Variants in CDKAL1 observed in about 807,000 individuals in gnomAD.
The protein encoded by CDKAL1 is threonylcarbamoyladenosine tRNA methylthiotransferase.
A neutral mutation model predicts 68.2 loss-of-function variants in CDKAL1; 32 were observed. That is an observed-to-expected ratio of 0.47 (90% CI 0.35 to 0.63). The LOEUF is 0.63. CDKAL1 is among the 30% of genes least tolerant of loss of function. The pLI is 0.00. For missense variants in CDKAL1, 606 were observed against 696.7 expected (o/e 0.87, Z 1.47); for synonymous variants, 234 against 244.3 (o/e 0.96, Z 0.39).
chr6:21,138,616 T>C (rs919560146), intron 13 of CDKAL1, among the ~76,000 whole-genome samples: 4 of 152,210 alleles, frequency 2.6e-5, no homozygotes, highest in African/African-American at 9.6e-5. Flanking sequence ...ACTCATAAAA[T>C]CTCTTGCCTA....
rs1192462433 is a variant in CDKAL1, at chr6:20,546,405, C to G, written c.55C>G (p.Gln19Glu). ...LLDDIEDIVS[Q>E]EDSKPQDRHF... ...GGATGACATCGAAGATATCGTGTCT[C>G]AGGAAGATTCAAAACCACAAGATAG... is the stretch of plus-strand genomic sequence containing the variant. The change falls in exon 3 of 16, where the codon CAG (glutamine) becomes GAG (glutamate). Residue 19 changes from glutamine (Q) to glutamate (E), a missense_variant. Physicochemically the swap from Gln to Glu is conservative, Grantham distance 29. Transcript: ENST00000274695. 5.0e-6 allele frequency: 8 copies of G among 1,613,940 alleles called. No homozygotes were observed. Among genetic ancestry groups the G allele is most frequent in the Admixed American group, 1.7e-5 (1 of 60,014 alleles).
intron 7 of CDKAL1, among the ~76,000 whole-genome samples, chr6:20,778,805 T>A (rs920308311): frequency 5.3e-5 from 8 of 152,162 alleles, no homozygotes; most frequent in South Asian, 2.1e-4. Context: ...CCTTTTTTTT[T>A]AAATTGAGAC....
chr6:21,149,073 A>G (rs1037761754), intron 13 of CDKAL1, among the ~76,000 whole-genome samples: 1 of 152,210 alleles, frequency 6.6e-6, no homozygotes, highest in Non-Finnish European at 1.5e-5. Context: ...TACCTCAAGA[A>G]GCTTACTGTC....
At chr6:20,698,650 G>T (rs186745539) in intron 5 of CDKAL1, among the ~76,000 whole-genome samples, 1 of 152,142 alleles carries the variant, frequency 6.6e-6, no homozygotes, top group African/African-American at 2.4e-5. Flanking sequence ...GAAGGCCACG[G>T]TGGTGAAGTG....
chr6:21,229,893 C>A (rs982570479), intron 15 of CDKAL1, among the ~76,000 whole-genome samples: 1 of 152,214 alleles, frequency 6.6e-6, no homozygotes, highest in Non-Finnish European at 1.5e-5. Context: ...AGCTAAGAAG[C>A]CGGTGAACAG....
At chr6:20,670,302 A>C (rs573980424) in intron 5 of CDKAL1, among the ~76,000 whole-genome samples, 61 of 152,304 alleles carry the variant, frequency 4.0e-4, no homozygotes, top group African/African-American at 1.4e-3. Context: ...CAATTAGATT[A>C]ATTTGTTACC....
rs879302363 is a variant in CDKAL1 at position 20,580,795 on chromosome 6, C to CT, written c.286+32102dup. Among the ~76,000 whole-genome samples the CT allele has an allele frequency of 4.1e-3, 589 of 144,300 alleles. 6 individuals are homozygous for CT. Among genetic ancestry groups the CT allele is most frequent in the African/African-American group, 0.013 (525 of 39,598 alleles). 94.7% of individuals were successfully genotyped at this position (144,300 alleles called of 152,430 possible). ...TTAGGTTGGTTTCATTGGCACTTTA[C>CT]TTTTTTTTTTTTAGATGGAGTTTCG... On this transcript the variant is annotated intron_variant, in intron 4 of 15. Coordinates refer to ENST00000274695, the MANE Select transcript of CDKAL1 (RefSeq NM_017774.3).
intron 6 of CDKAL1, among the ~76,000 whole-genome samples, chr6:20,747,426 T>C (rs1038618861): frequency 2.6e-5 from 4 of 152,304 alleles, no homozygotes; most frequent in Admixed American, 2.6e-4. Context: ...CCATAACGGC[T>C]GTACCAGTTT....
intron 9 of CDKAL1, among the ~76,000 whole-genome samples, chr6:20,867,089 G>C (rs140890310): frequency 1.6e-4 from 24 of 152,220 alleles, no homozygotes; most frequent in African/African-American, 5.5e-4. Flanking sequence ...ATTTCCTGAG[G>C]CTTCAATTTG....
At chr6:20,977,392 A>G (rs1765891946) in intron 10 of CDKAL1, among the ~76,000 whole-genome samples, 2 of 152,212 alleles carry the variant, frequency 1.3e-5, no homozygotes, top group Admixed American at 6.5e-5. Flanking sequence ...TAAGGAGGAC[A>G]TTGTTCTTAA....
At chr6:20,713,974 TA>T (rs562987504) in intron 5 of CDKAL1, among the ~76,000 whole-genome samples, 1 of 152,144 alleles carries the variant, frequency 6.6e-6, no homozygotes, top group Non-Finnish European at 1.5e-5. Flanking sequence ...ATTTTATCCT[TA>T]AAAAAAGAAA....
chr6:21,197,924 T>A, intron 13 of CDKAL1, 97 bp from the exon 14 acceptor site: 1 of 617,592 alleles, frequency 1.6e-6, no homozygotes, highest in East Asian at 2.8e-5. Context: ...AGACGCTACT[T>A]GGTCCAGACC....
At chr6:20,823,901 AAAT>A (rs1777391510) in intron 8 of CDKAL1, among the ~76,000 whole-genome samples, 2 of 152,164 alleles carry the variant, frequency 1.3e-5, no homozygotes, top group African/African-American at 4.8e-5. Context: ...AGTGATGTGA[AAAT>A]AATAATAAAA....
chr6:20,839,769 C>G (rs1778102460), intron 8 of CDKAL1, among the ~76,000 whole-genome samples: 1 of 152,096 alleles, frequency 6.6e-6, no homozygotes, highest in South Asian at 2.1e-4. Context: ...CTTCCATTTC[C>G]CTGCTTCATT....
chr6:20,926,548 A>T (rs1763197325), intron 9 of CDKAL1, among the ~76,000 whole-genome samples: 3 of 152,280 alleles, frequency 2.0e-5, no homozygotes, highest in African/African-American at 7.2e-5. Flanking sequence ...ATGCATATTC[A>T]TGAGAATGGA....
chr6:20,643,763 A>G (rs1013953629), intron 4 of CDKAL1, among the ~76,000 whole-genome samples: 2 of 152,236 alleles, frequency 1.3e-5, no homozygotes, highest in African/African-American at 2.4e-5. Flanking sequence ...TAACAATATT[A>G]ACATTTATAC....
At chr6:21,038,277 G>T (rs1036027673) in intron 11 of CDKAL1, among the ~76,000 whole-genome samples, 2 of 152,196 alleles carry the variant, frequency 1.3e-5, no homozygotes, top group Non-Finnish European at 2.9e-5. Flanking sequence ...TATTCTGTGT[G>T]TGGAGGCCAG....
intron 6 of CDKAL1, among the ~76,000 whole-genome samples, 196 bp from the exon 7 acceptor site, chr6:20,758,399 G>A (rs1276588649): frequency 1.3e-5 from 2 of 152,158 alleles, no homozygotes; most frequent in Non-Finnish European, 2.9e-5. Context: ...TGGAGGACAG[G>A]AGAGTGATAA....
At chr6:20,694,946 C>A (rs1771046832) in intron 5 of CDKAL1, among the ~76,000 whole-genome samples, 2 of 152,192 alleles carry the variant, frequency 1.3e-5, no homozygotes, top group Non-Finnish European at 2.9e-5. Context: ...CCTGCACACA[C>A]TGACTCCCCT....
Sources: allele counts gnomAD v4.1 joint callset (sites outside exome capture counted in the v4.1 genomes callset), GRCh38; gene constraint gnomAD v4.1.1; transcripts MANE v1.5; gene names NCBI Gene and HGNC (gene_info 2026-07-23, HGNC 2026-07-21).